DUSP4: variants seen among roughly 807,000 people sequenced by gnomAD.
DUSP4 encodes the protein dual specificity protein phosphatase 4.
In DUSP4, 12 loss-of-function variants were observed where a neutral mutation model predicts 27.2. The ratio of observed to expected loss-of-function variants is 0.44; its 90% confidence interval spans 0.28 to 0.71. The LOEUF (loss-of-function observed/expected upper bound fraction) is 0.71, where lower values mean the gene tolerates loss of function less well. Ranked by LOEUF, DUSP4 falls within the 30% of genes least tolerant of loss-of-function variation. The pLI is 0.14. For synonymous variants in DUSP4, 257 were observed against 245.2 expected (o/e 1.05, Z -0.45); for missense variants, 448 against 551.3 (o/e 0.81, Z 1.88).
rs754204824 is a variant in DUSP4 at position 29,337,355 on chromosome 8, G to T, written c.856C>A (p.Arg286=). The T allele has an allele frequency of 6.2e-7, 1 of 1,611,136 alleles. No homozygotes were observed. The highest frequency in any genetic ancestry group is 8.5e-7 in the Non-Finnish European group (1 of 1,179,962). ...TAGGCCAGGCAGATGGTGGCCGACC[G>T]CGAGATGCCCGCCTGGCAGTGCACC... ...VLVHCQAGIS[R]SATICLAYLM... is the part of the protein sequence containing the mutation. The change falls in exon 4 of 4, where the codon CGG becomes AGG. Residue 286 remains arginine (R), a synonymous_variant. Transcript: ENST00000240100. This position sits in a 1 kb window ranked among gnomAD's most constrained non-coding sequence, Gnocchi z 6.4.
In DUSP4 at chr8:29,334,472, A is replaced by C. The variant is rs1042340065; in HGVS notation, c.*2554T>G. 1 of 152,262 alleles carries C rather than the reference A, an allele frequency of 6.6e-6. No homozygotes were observed. Among genetic ancestry groups the C allele is most frequent in the Non-Finnish European group, 1.5e-5 (1 of 68,050 alleles). 9.4% of individuals were successfully genotyped at this position (152,262 alleles called of 1,614,324 possible). On this transcript the variant is annotated 3_prime_UTR_variant, in exon 4 of 4. Coordinates refer to ENST00000240100, the MANE Select transcript of DUSP4 (RefSeq NM_001394.7). ...CAAGTACAATGAAAATGGCTTTATAAATAGCTGTTTTGACATTGTGATAGA... is the reference window on the plus strand; with the variant it reads ...CAAGTACAATGAAAATGGCTTTATACATAGCTGTTTTGACATTGTGATAGA...
intron 1 of DUSP4, among the ~76,000 whole-genome samples, chr8:29,342,424 T>C (rs1817668126): frequency 6.6e-6 from 1 of 151,936 alleles, no homozygotes; most frequent in South Asian, 2.1e-4. Context: ...GGGAGACAGA[T>C]CATGAAGTTT....
intron 1 of DUSP4, among the ~76,000 whole-genome samples, chr8:29,341,644 C>T (rs925608055): frequency 6.6e-6 from 1 of 152,198 alleles, no homozygotes; most frequent in Non-Finnish European, 1.5e-5. Flanking sequence ...CCGTCAGCCT[C>T]GGTCATGCTG....
rs796193873 is a variant in DUSP4, at chr8:29,345,003, G to T, written c.434-4760C>A. On this transcript the variant is annotated intron_variant, in intron 1 of 3. Transcript: ENST00000240100. ...ATTACAGGCACATGCCATCTCGCCCGGCTAATTTTTGCATTTTTTGTAGAG... is the reference window on the plus strand; with the variant it reads ...ATTACAGGCACATGCCATCTCGCCCTGCTAATTTTTGCATTTTTTGTAGAG... 1.1e-4 allele frequency among the ~76,000 whole-genome samples: 16 copies of T among 152,128 alleles called. 1 individual carries two copies. The highest frequency in any genetic ancestry group is 3.6e-4 in the African/African-American group (15 of 41,506).
chr8:29,338,458 G>A lies in DUSP4; in HGVS notation c.623C>T (p.Ala208Val). ...EILPFLYLGS[A>V]YHAARRDMLD... is the part of the protein sequence containing the mutation. The stretch of plus-strand genomic sequence containing the variant: ...CATGTCTCTCCGGGCAGCATGGTAG[G>A]CACTGCCGAGGTAGAGGAAGGGAAG... The change falls in exon 3 of 4, where the codon GCC becomes GTC. Residue 208 changes from alanine to valine, a missense_variant. Around this residue, in one of 3 missense-constraint regions of DUSP4, gnomAD observed 345 missense variants for 394.0 expected, o/e 0.88. Transcript: ENST00000240100. The A allele has an allele frequency of 6.2e-7, 1 of 1,614,088 alleles. No individual in the cohort carries two copies. The highest frequency in any genetic ancestry group is 8.5e-7 in the Non-Finnish European group (1 of 1,180,014).
In DUSP4 at chr8:29,350,005, C is replaced by T. The variant is rs1817798426; in HGVS notation, c.274G>A (p.Glu92Lys). 6.3e-7 allele frequency: 1 copy of T among 1,595,780 alleles called. No individual in the cohort carries two copies. The highest frequency in any genetic ancestry group is 8.5e-7 in the Non-Finnish European group (1 of 1,172,934). Residue 92 changes from glutamate (E) to lysine (K), a missense_variant, in exon 1 of 4, where the codon GAG becomes AAG. By Grantham distance (56) the Glu-to-Lys change is moderately conservative. Around this residue, in one of 3 missense-constraint regions of DUSP4, gnomAD observed 345 missense variants for 394.0 expected, o/e 0.88. Transcript: ENST00000240100. ...SLEQILPAEE[E>K]VRARLRSGLY... ...CCGGAGCGCAAGCGGGCGCGTACCT[C>T]CTCCTCGGCGGGCAGGATCTGCTCC...
At position 29,349,992 on chromosome 8, in the gene DUSP4, C is replaced by T; in HGVS notation, c.287G>A (p.Arg96His). Residue 96 changes from arginine to histidine, a missense_variant, in exon 1 of 4, where the codon CGC (arginine) becomes CAC (histidine). By Grantham distance (29) the Arg-to-His change is conservative. Transcript: ENST00000240100. ...CGCCGAGTAGAGGCCGGAGCGCAAG[C>T]GGGCGCGTACCTCCTCCTCGGCGGG... ...ILPAEEEVRA[R>H]LRSGLYSAVI... 3.8e-6 allele frequency: 6 copies of T among 1,593,748 alleles called. No individual in the cohort carries two copies. Among genetic ancestry groups the T allele is most frequent in the Non-Finnish European group, 4.3e-6 (5 of 1,172,404 alleles).
In DUSP4 at chr8:29,337,388, G is replaced by T; in HGVS notation, c.823C>A (p.Arg275Ser). The change falls in exon 4 of 4, where the codon CGC (arginine) becomes AGC (serine). Residue 275 changes from arginine (R) to serine (S), a missense_variant. Transcript: ENST00000240100. This position sits in a 1 kb window ranked among gnomAD's most constrained non-coding sequence, Gnocchi z 6.4. ...CCCGCCTGGCAGTGCACCAGCACGC[G>T]CCCACGGCAGTCCTTCACGGCATCT... is the stretch of plus-strand genomic sequence containing the variant. ...YIDAVKDCRG[R>S]VLVHCQAGIS... 6.2e-7 allele frequency: 1 copy of T among 1,607,606 alleles called. No homozygotes were observed.
intron 1 of DUSP4, chr8:29,348,199 A>T: frequency 2.0e-6 from 2 of 985,552 alleles, no homozygotes; most frequent in Non-Finnish European, 2.4e-6. Flanking sequence ...CATCGGGGGG[A>T]CTCGAGGGCA....
rs570186243 is a variant in DUSP4, at chr8:29,337,907, C to T, written c.799+375G>A. Among the ~76,000 whole-genome samples the T allele has an allele frequency of 2.3e-4, 35 of 152,184 alleles. 2 individuals carry two copies. Among genetic ancestry groups the T allele is most frequent in the East Asian group, 1.9e-3 (10 of 5,176 alleles). On this transcript the variant is annotated intron_variant, in intron 3 of 3. Transcript: ENST00000240100. This position sits in a 1 kb window ranked among gnomAD's most constrained non-coding sequence, Gnocchi z 6.4. ...CGGAGGTTGCAGTGAGCTGAGATGG[C>T]GCCACTGCACTCCAGCCTGGGCAAC...
chr8:29,350,354 C>T lies in DUSP4; in HGVS notation c.-76G>A, dbSNP rs1817805382. 1 of 1,477,632 alleles carries T rather than the reference C, an allele frequency of 6.8e-7. No homozygotes were observed. The highest frequency in any genetic ancestry group is 8.9e-7 in the Non-Finnish European group (1 of 1,117,772). 91.5% of individuals were successfully genotyped at this position (1,477,632 alleles called of 1,614,324 possible). On this transcript the variant is annotated 5_prime_UTR_variant, in exon 1 of 4. Transcript: ENST00000240100. ...GGGCCGCCTAGGCTGCAGAAAGGGG[C>T]GGGCGAGAGCTAAGAAGGGACGCCT...
At chr8:29,349,622 G>A (rs117011733) in intron 1 of DUSP4, among the ~76,000 whole-genome samples, 53 of 152,328 alleles carry the variant, frequency 3.5e-4, no homozygotes, top group Non-Finnish European at 6.6e-4. Context: ...GTGCGGAATT[G>A]CAGGTGACCG....
At chr8:29,347,566 G>A (rs1321540728) in intron 1 of DUSP4, among the ~76,000 whole-genome samples, 1 of 152,204 alleles carries the variant, frequency 6.6e-6, no homozygotes, top group Non-Finnish European at 1.5e-5. Context: ...TGAACTTCTG[G>A]CTAGGAGGGG....
intron 1 of DUSP4, among the ~76,000 whole-genome samples, chr8:29,347,394 T>C (rs1187926784): frequency 6.6e-6 from 1 of 152,358 alleles, no homozygotes; most frequent in South Asian, 2.1e-4. Context: ...GGGTTAAAGA[T>C]GGCCTCTGCT....
Position 29,338,307 on chromosome 8 carries a change from C to G in DUSP4, c.774G>C (p.Trp258Cys). 1 of 1,613,694 alleles carries G rather than the reference C, an allele frequency of 6.2e-7. No homozygotes were observed. The highest frequency in any genetic ancestry group is 8.5e-7 in the Non-Finnish European group (1 of 1,179,720). ...CGATGTACTCTATGGCTTCCATGAACCAGGAGCTGATGTCGGCCTTGTGGT... is the reference window on the plus strand; with the variant it reads ...CGATGTACTCTATGGCTTCCATGAAGCAGGAGCTGATGTCGGCCTTGTGGT... ...EDNHKADISS[W>C]FMEAIEYIDA... is the part of the protein sequence containing the mutation. Residue 258 changes from tryptophan to cysteine, a missense_variant, in exon 3 of 4, where the codon TGG becomes TGC. By Grantham distance (215) the Trp-to-Cys change is radical. This residue lies in a region of DUSP4 where 345 missense variants were observed against 394.0 expected (regional missense o/e 0.88). Transcript: ENST00000240100.
At chr8:29,348,319 C>G in intron 1 of DUSP4, 1 of 985,592 alleles carries the variant, frequency 1.0e-6, no homozygotes, top group Non-Finnish European at 1.2e-6. Context: ...AACAATGGCG[C>G]GGACGCCCAC....
At chr8:29,347,230 C>A (rs906641592) in intron 1 of DUSP4, among the ~76,000 whole-genome samples, 1 of 152,204 alleles carries the variant, frequency 6.6e-6, no homozygotes, top group African/African-American at 2.4e-5. Flanking sequence ...GGCTTCCAGG[C>A]ATGGAAGGGA....
chr8:29,348,677 T>C, intron 1 of DUSP4: 1 of 985,322 alleles, frequency 1.0e-6, no homozygotes, highest in Non-Finnish European at 1.2e-6. Context: ...CCGCCCCCTT[T>C]CCAGCTCCCT....
intron 1 of DUSP4, chr8:29,345,645 T>A (rs1817722365): frequency 6.8e-7 from 1 of 1,479,216 alleles, no homozygotes; most frequent in East Asian, 2.4e-5. Context: ...TGGCCACCCT[T>A]TCTCTCTCCC....
Sources: allele counts gnomAD v4.1 joint callset (sites outside exome capture counted in the v4.1 genomes callset), GRCh38; gene constraint gnomAD v4.1.1; regional missense constraint gnomAD v4.1.1; non-coding constraint Gnocchi (gnomAD v3.1); transcripts MANE v1.5; gene names NCBI Gene and HGNC (gene_info 2026-07-23, HGNC 2026-07-21).